Variants in KMT2B observed in about 807,000 individuals in gnomAD.
KMT2B encodes lysine methyltransferase 2B, also known as histone-lysine N-methyltransferase 2B.
KMT2B carries 22 observed loss-of-function variants against 255.3 expected under a neutral mutation model. That is an observed-to-expected ratio of 0.09 (90% CI 0.06 to 0.12). KMT2B has a LOEUF of 0.12. Ranked by LOEUF, KMT2B falls within the 10% of genes least tolerant of loss-of-function variation. The pLI is 1.00. For missense variants in KMT2B, 3,149 were observed against 3,737.0 expected (o/e 0.84, Z 4.10); for synonymous variants, 1,730 against 1,498.1 (o/e 1.15, Z -3.57).
intron 30 of KMT2B, 36 bp from the exon 31 acceptor site, chr19:35,736,654 G>A (rs1969928701): frequency 1.2e-6 from 2 of 1,608,806 alleles, no homozygotes; most frequent in Admixed American, 1.7e-5. Flanking sequence ...AGTCCGGGAA[G>A]GGTGATCTTC....
Position 35,721,209 on chromosome 19 carries a change from C to CT in KMT2B, c.1863dup (p.Pro622SerfsTer54). 1 of 1,516,576 alleles carries CT rather than the reference C, an allele frequency of 6.6e-7. No individual in the cohort carries two copies. Among genetic ancestry groups the CT allele is most frequent in the South Asian group, 1.2e-5 (1 of 83,064 alleles). The allele number at this position is 1,516,576 out of a possible 1,614,324, so 93.9% of individuals were successfully genotyped here. The stretch of plus-strand genomic sequence containing the variant: ...TCACTGACCCGGGAGCTGCCCCCTC[C>CT]TCCCCCAGCCCCTCCACCTCCCCCG... On this transcript the variant is annotated frameshift_variant, in exon 3 of 37. Transcript: ENST00000420124. LOFTEE classifies it high-confidence loss of function.
In KMT2B at chr19:35,737,013, G is replaced by A. The variant is rs369845726; in HGVS notation, c.7372+27G>A. ...TAAGGAGTGGGCCCCACAGGGGGCAGGGAGCTGGATGTCTCCCCGAGGGCA... is the reference window on the plus strand; with the variant it reads ...TAAGGAGTGGGCCCCACAGGGGGCAAGGAGCTGGATGTCTCCCCGAGGGCA... On this transcript the variant is annotated intron_variant, in intron 32 of 36. Transcript: ENST00000420124. This position sits in a 1 kb window ranked among gnomAD's most constrained non-coding sequence, Gnocchi z 5.3. The A allele has an allele frequency of 6.9e-4, 1,112 of 1,611,822 alleles. 1 individual carries two copies. Among genetic ancestry groups the A allele is most frequent in the Middle Eastern group, 8.2e-4 (5 of 6,062 alleles).
At position 35,727,033 on chromosome 19, in the gene KMT2B, T is replaced by A; in HGVS notation, c.4004-123T>A. The A allele has an allele frequency of 1.8e-6, 1 of 543,714 alleles. No individual in the cohort carries two copies. Among genetic ancestry groups the A allele is most frequent in the Non-Finnish European group, 3.3e-6 (1 of 305,252 alleles). 33.7% of individuals were successfully genotyped at this position (543,714 alleles called of 1,614,324 possible). On this transcript the variant is annotated intron_variant, in intron 14 of 36. Transcript: ENST00000420124. The surrounding 1 kb of genome is among the most constrained non-coding windows in gnomAD (Gnocchi z 4.2). Reference sequence around the variant, plus strand: ...TCATCCTCAAGGAGCTTTTAGGGACTAGTAGGGGCCCAAAACAGGGGCATA... The same window carrying A: ...TCATCCTCAAGGAGCTTTTAGGGACAAGTAGGGGCCCAAAACAGGGGCATA...
chr19:35,728,057 G>A (rs772541627), intron 18 of KMT2B, 41 bp from the exon 19 acceptor site: 1 of 1,567,126 alleles, frequency 6.4e-7, no homozygotes, highest in Non-Finnish European at 8.7e-7. Flanking sequence ...CAGCTCTCCT[G>A]GGGAAGCTGG....
intron 26 of KMT2B, among the ~76,000 whole-genome samples, 172 bp downstream of exon 26, chr19:35,731,039 G>A (rs1292729678): frequency 3.9e-5 from 6 of 152,258 alleles, no homozygotes; most frequent in Admixed American, 6.5e-5. Flanking sequence ...GGCTGTGCCC[G>A]GCTTTTCATG....
chr19:35,732,764 C>A lies in KMT2B; in HGVS notation c.6215C>A (p.Ala2072Asp). The A allele has an allele frequency of 6.2e-7, 1 of 1,609,754 alleles. No individual in the cohort carries two copies. The highest frequency in any genetic ancestry group is 8.5e-7 in the Non-Finnish European group (1 of 1,178,588). The change falls in exon 28 of 37, where the codon GCT becomes GAT. Residue 2072 changes from alanine to aspartate, a missense_variant. Ala to Asp is a moderately radical substitution (Grantham distance 126). Transcript: ENST00000420124. ...GTGGACGACGGCACTGACAGTGAGG[C>A]TGAGGCGGTGCAGCAGCCTCGGGGC... is the stretch of plus-strand genomic sequence containing the variant. ...DGVDDGTDSE[A>D]EAVQQPRGQG...
rs1969922149 is a variant in KMT2B at position 35,736,497 on chromosome 19, C to G, written c.7160-193C>G. ...AGTCCTGCAGAAGAGGAGCCGCAGG[C>G]TCCTTAGGGGAAGAAATGTCCATTC... On this transcript the variant is annotated intron_variant, in intron 30 of 36. Transcript: ENST00000420124. 4 of 646,228 alleles carry G rather than the reference C, an allele frequency of 6.2e-6. No homozygotes were observed. In the Admixed American group the frequency reaches 8.9e-5, roughly 14 times the overall value. 40.0% of individuals were successfully genotyped at this position (646,228 alleles called of 1,614,324 possible).
chr19:35,732,565 G>C lies in KMT2B; in HGVS notation c.6016G>C (p.Glu2006Gln). 2 of 1,613,676 alleles carry C rather than the reference G, an allele frequency of 1.2e-6. No individual in the cohort carries two copies. Among genetic ancestry groups the C allele is most frequent in the Non-Finnish European group, 1.7e-6 (2 of 1,179,850 alleles). Residue 2006 changes from glutamate (E) to glutamine (Q), a missense_variant, in exon 28 of 37, where the codon GAG (glutamate) becomes CAG (glutamine). By Grantham distance (29) the Glu-to-Gln change is conservative. This residue lies in a region of KMT2B where 897 missense variants were observed against 825.3 expected (regional missense o/e 1.09). Transcript: ENST00000420124. ...SLLGTEPFQE[E>Q]IVAAGAMGSS... ...GCTGGGGACTGAGCCCTTCCAGGAA[G>C]AGATTGTAGCCGCTGGGGCCATGGG... is the stretch of plus-strand genomic sequence containing the variant.
In KMT2B at chr19:35,726,365, GCAGGGGAACTGGATGCTGGGGGCCA is replaced by G. The variant is rs761974257; in HGVS notation, c.4003+21_4003+45del. 6.4e-7 allele frequency: 1 copy of G among 1,573,438 alleles called. No homozygotes were observed. The highest frequency in any genetic ancestry group is 8.7e-7 in the Non-Finnish European group (1 of 1,143,142). On this transcript the variant is annotated intron_variant, in intron 14 of 36. Transcript: ENST00000420124. ...GCTATATGAGAAAGGTGGGGACCGGGCAGGGGAACTGGATGCTGGGGGCCACAGGGGAATGGCCAGGCTCTTTTAC... is the reference window on the plus strand; with the variant it reads ...GCTATATGAGAAAGGTGGGGACCGGGCAGGGGAATGGCCAGGCTCTTTTAC...
Position 35,733,323 on chromosome 19 carries a change from T to G in KMT2B, c.6774T>G (p.Pro2258=). 2 of 403,656 alleles carry G rather than the reference T, an allele frequency of 5.0e-6. No homozygotes were observed. The highest frequency in any genetic ancestry group is 7.5e-6 in the Non-Finnish European group (2 of 267,682). The allele number at this position is 403,656 out of a possible 1,614,324, so 25.0% of individuals were successfully genotyped here. The change falls in exon 28 of 37, where the codon CCT becomes CCG. Residue 2258 remains proline, a synonymous_variant. Coordinates refer to ENST00000420124, the MANE Select transcript of KMT2B (RefSeq NM_014727.3). The surrounding 1 kb of genome is among the most constrained non-coding windows in gnomAD (Gnocchi z 4.3). ...GCCCTGCCCCGCCCCCGCCACCCCC[T>G]CCCCTGACGCTGGTGCTGAGCAGTG... ...VVRPAPPPPP[P]PLTLVLSSGP...
chr19:35,736,585 C>T (rs1441630188), intron 30 of KMT2B, 105 bp from the exon 31 acceptor site: 20 of 1,343,494 alleles, frequency 1.5e-5, no homozygotes, highest in East Asian at 2.5e-5. Context: ...TCTGTGTCTG[C>T]GCCTAGGGGT....
chr19:35,728,061 A>G (rs1969537263), intron 18 of KMT2B, 37 bp from the exon 19 acceptor site: 1 of 1,570,002 alleles, frequency 6.4e-7, no homozygotes, highest in South Asian at 1.2e-5. Context: ...TCTCCTGGGG[A>G]AGCTGGCTCT....
Position 35,718,246 on chromosome 19 carries a change from C to T in KMT2B, c.228C>T (p.Gly76=). The T allele has an allele frequency of 8.4e-7, 1 of 1,196,666 alleles. No homozygotes were observed. The highest frequency in any genetic ancestry group is 1.0e-6 in the Non-Finnish European group (1 of 958,638). The allele number at this position is 1,196,666 out of a possible 1,614,324, so 74.1% of individuals were successfully genotyped here. A position where few individuals can be genotyped will look rare whatever the true frequency, so the allele number is the denominator to read the frequency against. Residue 76 remains glycine, a synonymous_variant, in exon 1 of 37, where the codon GGC becomes GGT. Coordinates refer to ENST00000420124, the MANE Select transcript of KMT2B (RefSeq NM_014727.3). The surrounding 1 kb of genome is among the most constrained non-coding windows in gnomAD (Gnocchi z 5.0). ...ALLRLLGLRR[G]LRRLRRLWAG... Reference sequence around the variant, plus strand: ...TCCGTTTGCTGGGGCTCCGCCGGGGCCTGCGCCGGCTCCGCCGCCTGTGGG... The same window carrying T: ...TCCGTTTGCTGGGGCTCCGCCGGGGTCTGCGCCGGCTCCGCCGCCTGTGGG...
In KMT2B at chr19:35,737,955, G is replaced by C. The variant is rs748573768; in HGVS notation, c.7742+13G>C. On this transcript the variant is annotated intron_variant, in intron 35 of 36. Coordinates refer to ENST00000420124, the MANE Select transcript of KMT2B (RefSeq NM_014727.3). The surrounding 1 kb of genome is among the most constrained non-coding windows in gnomAD (Gnocchi z 5.3). ...TGGGTGTCTACAGGTGAGTGGGGTT[G>C]GGGGGGAGGATGCCCCTTGGGTGGA... The C allele has an allele frequency of 1.3e-5, 21 of 1,602,054 alleles. No individual in the cohort carries two copies. In the South Asian group the frequency reaches 2.2e-4, roughly 17 times the overall value.
At chr19:35,729,693 T>C (rs1969613174) in intron 22 of KMT2B, among the ~76,000 whole-genome samples, 1 of 151,938 alleles carries the variant, frequency 6.6e-6, no homozygotes, top group African/African-American at 2.4e-5. Context: ...ACTGCGGGGG[T>C]ATCTGTGAGG....
chr19:35,721,822 G>A lies in KMT2B; in HGVS notation c.2457+18G>A, dbSNP rs1969225803. The A allele has an allele frequency of 1.9e-6, 3 of 1,545,514 alleles. No homozygotes were observed. Among genetic ancestry groups the A allele is most frequent in the East Asian group, 2.3e-5 (1 of 43,834 alleles). Reference sequence around the variant, plus strand: ...CCATGCCGGTGAGTGTGGTCCCTGGGCCCAGCGGCACACCCAGCCATCCAG... The same window carrying A: ...CCATGCCGGTGAGTGTGGTCCCTGGACCCAGCGGCACACCCAGCCATCCAG... On this transcript the variant is annotated intron_variant, in intron 3 of 36. Transcript: ENST00000420124.
Position 35,720,262 on chromosome 19 carries a change from C to A in KMT2B, c.915C>A (p.Ile305=), listed in dbSNP as rs745732906. The stretch of plus-strand genomic sequence containing the variant: ...GAGGTGGTGGGCTCCCCTTTGTGAT[C>A]AAGTTTGTTTCAAGGGCCAAAAAAG... The part of the protein sequence containing the change: ...RGRGGGLPFV[I]KFVSRAKKVK... Residue 305 remains isoleucine, a synonymous_variant, in exon 3 of 37, where the codon ATC becomes ATA. Transcript: ENST00000420124. 79 of 1,612,870 alleles carry A rather than the reference C, an allele frequency of 4.9e-5. No homozygotes were observed. Among genetic ancestry groups the A allele is most frequent in the Non-Finnish European group, 6.4e-5 (75 of 1,179,642 alleles).
chr19:35,719,656 C>T lies in KMT2B; in HGVS notation c.436+115C>T, dbSNP rs1189181556. On this transcript the variant is annotated intron_variant, in intron 2 of 36. Coordinates refer to ENST00000420124, the MANE Select transcript of KMT2B (RefSeq NM_014727.3). ...TCAGTTGCCGAATGTGTTCTGTGTT[C>T]AGAGTCCAAGCTAGTCTGGGCAGCG... The T allele has an allele frequency of 3.3e-6, 5 of 1,514,606 alleles. No homozygotes were observed. The Admixed American group carries it at 5.6e-5, about 17-fold the overall frequency. The allele number at this position is 1,514,606 out of a possible 1,614,324, so 93.8% of individuals were successfully genotyped here. A position where few individuals can be genotyped will look rare whatever the true frequency, so the allele number is the denominator to read the frequency against.
In KMT2B at chr19:35,728,828, G is replaced by A. The variant is rs757771231; in HGVS notation, c.4626G>A (p.Gln1542=). Reference sequence around the variant, plus strand: ...CATCCCTGGATCATGTCTATGCGCAGTGGAGACAGCAGGAACCAGAGACCC... The same window carrying A: ...CATCCCTGGATCATGTCTATGCGCAATGGAGACAGCAGGAACCAGAGACCC... ...LPPSLDHVYA[Q]WRQQEPETPE... is the part of the protein sequence containing the mutation. Residue 1542 remains glutamine (Q), a synonymous_variant, in exon 20 of 37, where the codon CAG becomes CAA. Coordinates refer to ENST00000420124, the MANE Select transcript of KMT2B (RefSeq NM_014727.3). 1.2e-6 allele frequency: 2 copies of A among 1,613,984 alleles called. No individual in the cohort carries two copies. The highest frequency in any genetic ancestry group is 1.6e-4 in the Middle Eastern group (1 of 6,062).
Sources: gnomAD v4.1 joint callset for allele counts (sites outside exome capture counted in the v4.1 genomes callset) on GRCh38, gnomAD v4.1.1 for gene constraint, gnomAD v4.1.1 regional missense constraint, Gnocchi (gnomAD v3.1) non-coding constraint, MANE v1.5 for transcripts, NCBI Gene and HGNC (gene_info 2026-07-23, HGNC 2026-07-21) for gene names.